Variants in ATP2A3 observed in about 807,000 individuals in gnomAD.
ATP2A3 encodes ATPase sarcoplasmic/endoplasmic reticulum Ca2+ transporting 3.
In ATP2A3, 61 loss-of-function variants were observed where a neutral mutation model predicts 106.8. That is an observed-to-expected ratio of 0.57 (90% confidence interval 0.46 to 0.71). ATP2A3 has a LOEUF of 0.71. Among genes scored for constraint, ATP2A3 ranks in the 30% least tolerant of loss-of-function variants. The probability of loss-of-function intolerance (pLI) is 0.00; values close to 1 mark genes in which losing one functional copy is unlikely to be tolerated. For synonymous variants in ATP2A3, 611 were observed against 609.3 expected (o/e 1.00, Z -0.04); for missense variants, 1,201 against 1,423.5 (o/e 0.84, Z 2.52).
intron 20 of ATP2A3, chr17:3,927,262 GAC>G: frequency 1.0e-6 from 1 of 985,490 alleles, no homozygotes; most frequent in Non-Finnish European, 1.2e-6. Flanking sequence ...AGGCATCTGA[GAC>G]ACAGGCTTTT....
chr17:3,951,972 C>T (rs892521591), intron 3 of ATP2A3, among the ~76,000 whole-genome samples: 4 of 152,302 alleles, frequency 2.6e-5, no homozygotes, highest in Admixed American at 1.3e-4. Context: ...GTGTGGTCCC[C>T]AGACCAGCAG....
chr17:3,948,085 C>T (rs2054219561), intron 7 of ATP2A3, among the ~76,000 whole-genome samples: 1 of 152,188 alleles, frequency 6.6e-6, no homozygotes, highest in Admixed American at 6.5e-5. Context: ...GCCGTATCCC[C>T]AGTGCCTAGC....
chr17:3,927,970 C>A (rs1452494341), intron 20 of ATP2A3: 1 of 1,613,818 alleles, frequency 6.2e-7, no homozygotes, highest in South Asian at 1.1e-5. Context: ...TTCCCAGGAA[C>A]CGGAGCTCAC....
chr17:3,958,709 TATATATATACAC>T lies in ATP2A3; in HGVS notation c.119-5011_119-5000del, dbSNP rs1165375973. On this transcript the variant is annotated intron_variant, in intron 1 of 20. Transcript: ENST00000397041. ...ACCTTCTCCTCCTCATTCATATATATATATATATACACATATATATACACATATATATAGACA... is the reference window on the plus strand; with the variant it reads ...ACCTTCTCCTCCTCATTCATATATATATATATATACACATATATATAGACA... 1.0e-3 allele frequency among the ~76,000 whole-genome samples: 135 copies of T among 133,420 alleles called. 3 individuals are homozygous for T. Among genetic ancestry groups the T allele is most frequent in the East Asian group, 6.1e-4 (3 of 4,932 alleles). The allele number at this position is 133,420 out of a possible 152,430, so 87.5% of individuals were successfully genotyped here.
chr17:3,943,563 C>A (rs2053909794), intron 10 of ATP2A3, 41 bp from the exon 11 acceptor site: 5 of 1,612,762 alleles, frequency 3.1e-6, no homozygotes, highest in Non-Finnish European at 4.2e-6. Context: ...GGGCAGGCAG[C>A]CTCCAGCCCG....
chr17:3,950,721 C>G lies in ATP2A3; in HGVS notation c.516G>C (p.Thr172=). 6.2e-7 allele frequency: 1 copy of G among 1,613,970 alleles called. No individual in the cohort carries two copies. The highest frequency in any genetic ancestry group is 1.1e-5 in the South Asian group (1 of 91,078). ...DLRLIEIKST[T]LRVDQSILTG... ...TCAGGATGGACTGGTCCACTCGCAG[C>G]GTGGTGGACTTGATCTCGATGAGGC... The change falls in exon 6 of 21, where the codon ACG becomes ACC. Residue 172 remains threonine (T), a synonymous_variant. Coordinates refer to ENST00000397041, the MANE Select transcript of ATP2A3 (RefSeq NM_005173.4).
intron 10 of ATP2A3, among the ~76,000 whole-genome samples, chr17:3,943,815 C>T (rs1444012166): frequency 6.6e-6 from 1 of 152,134 alleles, no homozygotes; most frequent in Admixed American, 6.5e-5. Context: ...TCTGGGCCCG[C>T]TTCCACCCTC....
chr17:3,958,831 T>TACAC lies in ATP2A3; in HGVS notation c.119-5125_119-5122dup, dbSNP rs1046595871. Among the ~76,000 whole-genome samples, 2 of 131,720 alleles carry TACAC rather than the reference T, an allele frequency of 1.5e-5. 1 individual carries two copies. Among genetic ancestry groups the TACAC allele is most frequent in the African/African-American group, 6.6e-5 (2 of 30,250 alleles). 86.4% of individuals were successfully genotyped at this position (131,720 alleles called of 152,430 possible). A position where few individuals can be genotyped will look rare whatever the true frequency, so the allele number is the denominator to read the frequency against. On this transcript the variant is annotated intron_variant, in intron 1 of 20. Coordinates refer to ENST00000397041, the MANE Select transcript of ATP2A3 (RefSeq NM_005173.4). ...ACATATATATATACACACATATATA[T>TACAC]ACACACACACATATATAAATATATA...
chr17:3,940,386 G>T (rs1262856082), intron 14 of ATP2A3, among the ~76,000 whole-genome samples: 1 of 152,192 alleles, frequency 6.6e-6, no homozygotes, highest in East Asian at 1.9e-4. Context: ...CCTAAGAAAA[G>T]ATGGGCTAGG....
At chr17:3,943,370 T>C in intron 11 of ATP2A3, 21 bp downstream of exon 11, 1 of 1,612,762 alleles carries the variant, frequency 6.2e-7, no homozygotes. Context: ...GCCGGAGGCC[T>C]GAGCCCCCAG....
chr17:3,928,892 C>T lies in ATP2A3; in HGVS notation c.2863-112G>A, dbSNP rs1215000367. The stretch of plus-strand genomic sequence containing the variant: ...TCTGATGGACTCTTCATGAGCGCTC[C>T]TAAGAACCCCCTGGATGCACCCCCG... On this transcript the variant is annotated intron_variant, in intron 19 of 20. Transcript: ENST00000397041. This position sits in a 1 kb window ranked among gnomAD's most constrained non-coding sequence, Gnocchi z 6.1. 7.7e-6 allele frequency: 6 copies of T among 782,048 alleles called. No homozygotes were observed. The highest frequency in any genetic ancestry group is 5.2e-5 in the African/African-American group (3 of 58,190). The allele number at this position is 782,048 out of a possible 1,614,324, so 48.4% of individuals were successfully genotyped here.
intron 1 of ATP2A3, among the ~76,000 whole-genome samples, chr17:3,959,447 C>G (rs1378173980): frequency 6.6e-6 from 1 of 152,182 alleles, no homozygotes; most frequent in Non-Finnish European, 1.5e-5. Flanking sequence ...TCAGTTGCTC[C>G]GTGGTGCAGG....
chr17:3,927,477 G>A (rs918160842), intron 20 of ATP2A3: 86 of 985,340 alleles, frequency 8.7e-5, no homozygotes, highest in Non-Finnish European at 9.6e-5. Flanking sequence ...GCCTGGCTGT[G>A]CAGGTGAGTG....
intron 1 of ATP2A3, among the ~76,000 whole-genome samples, chr17:3,959,181 T>C (rs1208025129): frequency 6.6e-6 from 1 of 152,094 alleles, no homozygotes; most frequent in East Asian, 1.9e-4. Context: ...GCCAAGGTGC[T>C]AGCCACCGCG....
intron 8 of ATP2A3, among the ~76,000 whole-genome samples, chr17:3,946,859 CT>C (rs1190471918): frequency 6.6e-6 from 1 of 152,212 alleles, no homozygotes; most frequent in Admixed American, 6.5e-5. Flanking sequence ...CATGGGCCTG[CT>C]GAAGTCTCAG....
At chr17:3,935,833 G>C (rs1294889363) in intron 16 of ATP2A3, among the ~76,000 whole-genome samples, 3 of 151,988 alleles carry the variant, frequency 2.0e-5, no homozygotes, top group Admixed American at 6.6e-5. Context: ...CCACATGTTG[G>C]CCAGGCTGGT....
In ATP2A3 at chr17:3,925,535, CA is replaced by C. The variant is rs2052658387; in HGVS notation, c.2981-95del. ...AGCCCCTTCCATCCTCCACTTCTCCCAGGACAGCCCCAGGCTCCCAAGGCCT... is the reference window on the plus strand; with the variant it reads ...AGCCCCTTCCATCCTCCACTTCTCCCGGACAGCCCCAGGCTCCCAAGGCCT... On this transcript the variant is annotated intron_variant, in intron 20 of 20. Transcript: ENST00000397041. The surrounding 1 kb of genome is among the most constrained non-coding windows in gnomAD (Gnocchi z 4.2). 1 of 1,481,400 alleles carries C rather than the reference CA, an allele frequency of 6.8e-7. No individual in the cohort carries two copies. 91.8% of individuals were successfully genotyped at this position (1,481,400 alleles called of 1,614,324 possible).
chr17:3,949,719 T>C (rs1407355445), intron 7 of ATP2A3, among the ~76,000 whole-genome samples: 2 of 152,190 alleles, frequency 1.3e-5, no homozygotes, highest in African/African-American at 2.4e-5. Flanking sequence ...GATTTGGTGT[T>C]AAGGATTAAA....
chr17:3,953,593 C>A lies in ATP2A3; in HGVS notation c.136+100G>T. On this transcript the variant is annotated intron_variant, in intron 2 of 20. Coordinates refer to ENST00000397041, the MANE Select transcript of ATP2A3 (RefSeq NM_005173.4). This position sits in a 1 kb window ranked among gnomAD's most constrained non-coding sequence, Gnocchi z 5.1. ...AGGTGGGTGATCCTGGGGAGCTCAGCAAGGCCTCACTCAGCGGGGAGAAGG... is the reference window on the plus strand; with the variant it reads ...AGGTGGGTGATCCTGGGGAGCTCAGAAAGGCCTCACTCAGCGGGGAGAAGG... 6.6e-7 allele frequency: 1 copy of A among 1,524,652 alleles called. No individual in the cohort carries two copies. Among genetic ancestry groups the A allele is most frequent in the African/African-American group, 1.4e-5 (1 of 72,516 alleles). 94.4% of individuals were successfully genotyped at this position (1,524,652 alleles called of 1,614,324 possible). A position where few individuals can be genotyped will look rare whatever the true frequency, so the allele number is the denominator to read the frequency against.
Sources: allele counts gnomAD v4.1 joint callset (sites outside exome capture counted in the v4.1 genomes callset), GRCh38; gene constraint gnomAD v4.1.1; non-coding constraint Gnocchi (gnomAD v3.1); transcripts MANE v1.5; gene names NCBI Gene and HGNC (gene_info 2026-07-23, HGNC 2026-07-21).